MCMDC2: variants seen among roughly 807,000 people sequenced by gnomAD.
MCMDC2 encodes the protein minichromosome maintenance domain-containing protein 2.
A neutral mutation model predicts 75.8 loss-of-function variants in MCMDC2; 54 were observed. That is an observed-to-expected ratio of 0.71 (90% CI 0.57 to 0.89). The LOEUF (loss-of-function observed/expected upper bound fraction) is 0.89, where lower values mean the gene tolerates loss of function less well. MCMDC2 is among the 40% of genes least tolerant of loss of function. The pLI is 0.00. For missense variants in MCMDC2, 656 were observed against 780.4 expected, an observed-to-expected ratio of 0.84 and a Z score of 1.90; for synonymous variants, 249 against 274.6, an observed-to-expected ratio of 0.91 and a Z score of 0.92.
At chr8:66,901,461 G>T in intron 13 of MCMDC2, 113 bp downstream of exon 13, 1 of 1,466,924 alleles carries the variant, frequency 6.8e-7, no homozygotes. Flanking sequence ...CTAGTTGGTT[G>T]GTTTGTAAAT....
chr8:66,872,957 CAAA>C (rs749748721), intron 1 of MCMDC2, among the ~76,000 whole-genome samples: 1 of 40,120 alleles, frequency 2.5e-5, no homozygotes, highest in Non-Finnish European at 5.2e-5. Context: ...GACTCCATCT[CAAA>C]AAAAAAAAAA....
chr8:66,872,914 G>A (rs1314666982), intron 1 of MCMDC2, among the ~76,000 whole-genome samples: 1 of 136,238 alleles, frequency 7.3e-6, no homozygotes, highest in Non-Finnish European at 1.5e-5. Context: ...CCAAGATAGT[G>A]CCACTGTACT....
intron 14 of MCMDC2, among the ~76,000 whole-genome samples, chr8:66,910,809 CA>C (rs765402558): frequency 3.2e-3 from 437 of 134,986 alleles, no homozygotes; most frequent in Middle Eastern, 7.6e-3. Context: ...AACTCCATCT[CA>C]AAAAAAAAAA....
chr8:66,924,663 G>A (rs1813665794), downstream of MCMDC2, among the ~76,000 whole-genome samples: 1 of 151,362 alleles, frequency 6.6e-6, no homozygotes, highest in South Asian at 2.1e-4. Context: ...TTTCTGAATA[G>A]CTAACAGGTT....
chr8:66,902,712 AT>A (rs1287347586), intron 13 of MCMDC2, among the ~76,000 whole-genome samples: 2,906 of 67,502 alleles, frequency 0.043, 66 homozygotes, highest in African/African-American at 0.06. Flanking sequence ...AAAAAAAAAA[AT>A]ATATATATAT....
Position 66,877,494 on chromosome 8 carries a change from C to CT in MCMDC2, c.431_432insT (p.Gln145ThrfsTer10). ...GCAATGACAACTATAACCAAGTATA[C>CT]ACAAGGGGCAAGATTTCTTTGTTCA... On this transcript the variant is annotated frameshift_variant, in exon 5 of 15. Coordinates refer to ENST00000422365, the MANE Select transcript of MCMDC2 (RefSeq NM_173518.5). LOFTEE classifies it high-confidence loss of function. 6.2e-7 allele frequency: 1 copy of CT among 1,610,012 alleles called. No homozygotes were observed. The highest frequency in any genetic ancestry group is 8.5e-7 in the Non-Finnish European group (1 of 1,178,980).
At chr8:66,877,880 A>AG (rs1172712803) in intron 5 of MCMDC2, among the ~76,000 whole-genome samples, 3 of 151,990 alleles carry the variant, frequency 2.0e-5, no homozygotes, top group Non-Finnish European at 4.4e-5. Flanking sequence ...AAAAAAAAAA[A>AG]AAAATTGAAC....
chr8:66,909,489 A>G (rs1227892925), intron 14 of MCMDC2, among the ~76,000 whole-genome samples: 1 of 152,188 alleles, frequency 6.6e-6, no homozygotes, highest in Non-Finnish European at 1.5e-5. Flanking sequence ...GTCTTTGACC[A>G]AAATGCTGAT....
chr8:66,900,124 GCCT>G (rs1181504105), intron 12 of MCMDC2, among the ~76,000 whole-genome samples: 1 of 151,326 alleles, frequency 6.6e-6, no homozygotes, highest in Non-Finnish European at 1.5e-5. Flanking sequence ...GATAGAGCAA[GCCT>G]CCATCTCAAA....
chr8:66,879,889 G>T (rs1283527050), intron 7 of MCMDC2, among the ~76,000 whole-genome samples: 5 of 152,090 alleles, frequency 3.3e-5, no homozygotes, highest in African/African-American at 4.8e-5. Context: ...GCTCTCTGGG[G>T]CTAGAGAGAA....
At chr8:66,875,797 T>C (rs1318760495) in intron 4 of MCMDC2, among the ~76,000 whole-genome samples, 1 of 152,194 alleles carries the variant, frequency 6.6e-6, no homozygotes, top group Non-Finnish European at 1.5e-5. Context: ...AGCCATTTCC[T>C]CTCCCTCCCT....
At chr8:66,875,468 G>A (rs1376321091) in intron 4 of MCMDC2, among the ~76,000 whole-genome samples, 1 of 151,968 alleles carries the variant, frequency 6.6e-6, no homozygotes, top group Non-Finnish European at 1.5e-5. Flanking sequence ...TAGTAAAGAC[G>A]AGGTTTCTCC....
chr8:66,915,546 ATG>A (rs1433038994), intron 14 of MCMDC2, among the ~76,000 whole-genome samples: 2 of 148,002 alleles, frequency 1.4e-5, no homozygotes, highest in East Asian at 3.9e-4. Context: ...ATTTATATAT[ATG>A]TATATATGTA....
chr8:66,905,153 T>C (rs140694047), intron 13 of MCMDC2, 73 bp from the exon 14 acceptor site: 62 of 1,205,096 alleles, frequency 5.1e-5, no homozygotes, highest in Middle Eastern at 5.6e-4. Flanking sequence ...TATATCTCGA[T>C]TTGTTCCTGC....
intron 4 of MCMDC2, among the ~76,000 whole-genome samples, chr8:66,876,133 GT>G (rs1811273083): frequency 6.6e-6 from 1 of 152,110 alleles, no homozygotes; most frequent in Non-Finnish European, 1.5e-5. Flanking sequence ...TCACCTAATG[GT>G]TTTAGCAGCC....
At chr8:66,878,553 G>C (rs750006744) in intron 5 of MCMDC2, 21 bp from the exon 6 acceptor site, 6 of 1,560,492 alleles carry the variant, frequency 3.8e-6, no homozygotes, top group Admixed American at 3.9e-5. Context: ...GCAAATGTAT[G>C]TTACCACTGT....
chr8:66,885,129 C>T (rs534146222), intron 9 of MCMDC2, among the ~76,000 whole-genome samples: 71 of 151,902 alleles, frequency 4.7e-4, no homozygotes, highest in African/African-American at 1.7e-3. Context: ...GTCAGGAGAT[C>T]GAGACCATCC....
rs1811611049 is a variant in MCMDC2 at position 66,882,197 on chromosome 8, C to T, written c.835+1223C>T. On this transcript the variant is annotated intron_variant, in intron 8 of 14. Coordinates refer to ENST00000422365, the MANE Select transcript of MCMDC2 (RefSeq NM_173518.5). ...GGAATTGATATAAGGACAGGATTTA[C>T]AGTAGGTATTAATTTATCAAGGTTG... Among the ~76,000 whole-genome samples, 4 of 152,194 alleles carry T rather than the reference C, an allele frequency of 2.6e-5. No homozygotes were observed. In the South Asian group the frequency reaches 8.3e-4, roughly 32 times the overall value.
intron 10 of MCMDC2, among the ~76,000 whole-genome samples, chr8:66,893,688 A>T (rs78182397): frequency 0.018 from 2,790 of 152,308 alleles, 88 homozygotes; most frequent in African/African-American, 0.062. Flanking sequence ...TCACGATGAG[A>T]TTTGGGTGGG....
Sources: gnomAD v4.1 joint callset for allele counts (sites outside exome capture counted in the v4.1 genomes callset) on GRCh38, gnomAD v4.1.1 for gene constraint, MANE v1.5 for transcripts, NCBI Gene and HGNC (gene_info 2026-07-23, HGNC 2026-07-21) for gene names.